The following RAB6A variants were observed in gnomAD, a reference collection of about 807,000 sequenced individuals.
RAB6A encodes the protein RAB6A, member RAS oncogene family.
Under a neutral mutation model 32.3 loss-of-function variants are expected in RAB6A, and 8 were observed. The ratio of observed to expected loss-of-function variants is 0.25; its 90% confidence interval spans 0.15 to 0.45. The LOEUF is 0.45. Ranked by LOEUF, RAB6A falls within the 20% of genes least tolerant of loss-of-function variation. The pLI, the probability that RAB6A is intolerant of heterozygous loss-of-function variation, is 1.00. For missense variants in RAB6A, 104 were observed against 249.4 expected (o/e 0.42, Z 3.93); for synonymous variants, 73 against 82.1 (o/e 0.89, Z 0.60).
chr11:73,707,224 C>G (rs892836981), intron 6 of RAB6A, among the ~76,000 whole-genome samples, 196 bp downstream of exon 6: 1 of 151,898 alleles, frequency 6.6e-6, no homozygotes, highest in African/African-American at 2.4e-5. Context: ...GTAGTTCTAT[C>G]CACGATCTGA....
chr11:73,714,205 A>ATATATATATATAT (rs1256971210), intron 5 of RAB6A, among the ~76,000 whole-genome samples: 26 of 62,874 alleles, frequency 4.1e-4, no homozygotes, highest in African/African-American at 6.9e-4. Flanking sequence ...AAAAAAAAAA[A>ATATATATATATAT]AAAAATATAT....
At chr11:73,699,082 A>G (rs994386365) in intron 6 of RAB6A, among the ~76,000 whole-genome samples, 16 of 151,444 alleles carry the variant, frequency 1.1e-4, no homozygotes, top group Admixed American at 6.6e-5. Context: ...CGAACTCCTG[A>G]CCTCCGGTGA....
At chr11:73,739,325 T>TA (rs1297602822) in intron 1 of RAB6A, among the ~76,000 whole-genome samples, 1 of 68,318 alleles carries the variant, frequency 1.5e-5, no homozygotes, top group Non-Finnish European at 2.9e-5. Flanking sequence ...ACACCAAAGA[T>TA]AACTAAAAAG....
intron 6 of RAB6A, among the ~76,000 whole-genome samples, chr11:73,695,379 GTTTTTTT>G (rs71469463): frequency 6.8e-6 from 1 of 147,180 alleles, no homozygotes; most frequent in African/African-American, 2.5e-5. Flanking sequence ...CAGTTTTTTT[GTTTTTTT>G]TTTTCTTTTT....
At chr11:73,726,008 C>T (rs951739481) in intron 2 of RAB6A, among the ~76,000 whole-genome samples, 8 of 151,910 alleles carry the variant, frequency 5.3e-5, no homozygotes, top group African/African-American at 9.7e-5. Context: ...CAAAAAAGGC[C>T]GGGCATGGTG....
At chr11:73,733,947 TA>T (rs1182355123) in intron 1 of RAB6A, among the ~76,000 whole-genome samples, 1 of 152,154 alleles carries the variant, frequency 6.6e-6, no homozygotes, top group Non-Finnish European at 1.5e-5. Context: ...TACTTTAAAA[TA>T]AAATCTTTTT....
intron 1 of RAB6A, among the ~76,000 whole-genome samples, chr11:73,754,334 T>C (rs1946713179): frequency 6.6e-6 from 1 of 152,240 alleles, no homozygotes; most frequent in Admixed American, 6.5e-5. Flanking sequence ...ACTGACCCCT[T>C]AGGATCTCCC....
At chr11:73,760,521 G>A (rs778979565) in intron 1 of RAB6A, 45 bp downstream of exon 1, 29 of 1,560,626 alleles carry the variant, frequency 1.9e-5, no homozygotes, top group Admixed American at 5.7e-5. Flanking sequence ...GGCGGTGCGG[G>A]GACGCTGCGG....
At chr11:73,724,307 T>C (rs1478132960) in intron 2 of RAB6A, among the ~76,000 whole-genome samples, 4 of 152,190 alleles carry the variant, frequency 2.6e-5, no homozygotes, top group African/African-American at 4.8e-5. Context: ...TTTGTTGATA[T>C]ACATAGGCAA....
chr11:73,757,102 T>C (rs7105309), intron 1 of RAB6A, among the ~76,000 whole-genome samples: 785 of 28,196 alleles, frequency 0.028, 5 homozygotes, highest in South Asian at 0.094. Flanking sequence ...TACATACATA[T>C]ATATATATAT....
At chr11:73,689,715 T>C (rs900187202) in intron 6 of RAB6A, among the ~76,000 whole-genome samples, 1 of 152,130 alleles carries the variant, frequency 6.6e-6, no homozygotes, top group Non-Finnish European at 1.5e-5. Flanking sequence ...ACCAAACCAA[T>C]GTCTATGTCA....
intron 6 of RAB6A, among the ~76,000 whole-genome samples, chr11:73,695,367 T>C (rs1442394747): frequency 2.1e-5 from 3 of 144,466 alleles, no homozygotes; most frequent in Non-Finnish European, 4.5e-5. Context: ...TTACTAAGTA[T>C]CCAGTTTTTT....
intron 2 of RAB6A, among the ~76,000 whole-genome samples, chr11:73,729,227 T>C (rs1946269419): frequency 6.6e-6 from 1 of 152,112 alleles, no homozygotes; most frequent in Non-Finnish European, 1.5e-5. Context: ...GCCACCCAAG[T>C]AGCTGGGATT....
chr11:73,702,274 C>T (rs1590841501), intron 6 of RAB6A, among the ~76,000 whole-genome samples: 2 of 152,150 alleles, frequency 1.3e-5, no homozygotes, highest in South Asian at 4.1e-4. Flanking sequence ...CAATCCTCTG[C>T]CTCAGTCTCC....
chr11:73,714,037 C>T (rs1287418804), intron 5 of RAB6A, among the ~76,000 whole-genome samples: 6 of 150,358 alleles, frequency 4.0e-5, no homozygotes, highest in Admixed American at 4.0e-4. Flanking sequence ...CTAAAAAATA[C>T]AAAAATTAGC....
chr11:73,676,520 A>G lies in RAB6A; in HGVS notation c.*1378T>C, dbSNP rs1254544762. On this transcript the variant is annotated 3_prime_UTR_variant, in exon 8 of 8. Coordinates refer to ENST00000336083, the MANE Select transcript of RAB6A (RefSeq NM_198896.2). ...GGCAAAGAAATAAATATCACCAAAGAAAAAAGATTAATTGTAGCTTAAATA... is the reference window on the plus strand; with the variant it reads ...GGCAAAGAAATAAATATCACCAAAGGAAAAAGATTAATTGTAGCTTAAATA... 6.0e-6 allele frequency: 1 copy of G among 167,048 alleles called. No individual in the cohort carries two copies. The highest frequency in any genetic ancestry group is 2.4e-5 in the African/African-American group (1 of 41,444). 10.3% of individuals were successfully genotyped at this position (167,048 alleles called of 1,614,324 possible).
intron 1 of RAB6A, among the ~76,000 whole-genome samples, chr11:73,759,022 T>C (rs1206811338): frequency 6.6e-6 from 1 of 152,152 alleles, no homozygotes; most frequent in Non-Finnish European, 1.5e-5. Flanking sequence ...GAAAAATGAT[T>C]TCCCAGTTCT....
In RAB6A at chr11:73,677,928, T is replaced by C; in HGVS notation, c.597A>G (p.Gln199=). ...IDIKLEKPQE[Q]PVSEGGCSC is the part of the protein sequence containing the mutation. ...AGGAACAGCCTCCTTCACTGACTGG[T>C]TGCTCCTGAGGCTTTTCCAGTTTTA... Residue 199 remains glutamine, a synonymous_variant, in exon 8 of 8, where the codon CAA becomes CAG. Transcript: ENST00000336083. The C allele has an allele frequency of 6.2e-7, 1 of 1,614,212 alleles. No homozygotes were observed. Among genetic ancestry groups the C allele is most frequent in the Non-Finnish European group, 8.5e-7 (1 of 1,180,028 alleles).
intron 6 of RAB6A, among the ~76,000 whole-genome samples, chr11:73,701,866 C>T (rs1349360574): frequency 6.6e-6 from 1 of 152,106 alleles, no homozygotes; most frequent in Non-Finnish European, 1.5e-5. Flanking sequence ...GTCTCAATTG[C>T]TGGGCTCAAG....
Sources: allele counts gnomAD v4.1 joint callset (sites outside exome capture counted in the v4.1 genomes callset), GRCh38; gene constraint gnomAD v4.1.1; transcripts MANE v1.5; gene names NCBI Gene and HGNC (gene_info 2026-07-23, HGNC 2026-07-21).